The following RIPOR2 variants were observed in gnomAD, a reference collection of about 807,000 sequenced individuals.
RIPOR2 encodes the protein rho family-interacting cell polarization regulator 2.
RIPOR2 carries 39 observed loss-of-function variants against 114.5 expected under a neutral mutation model. The observed-to-expected ratio is 0.34, with a 90% confidence interval of 0.26 to 0.44. The LOEUF (loss-of-function observed/expected upper bound fraction) is 0.44, where lower values mean the gene tolerates loss of function less well. Among genes scored for constraint, RIPOR2 ranks in the 20% least tolerant of loss-of-function variants. RIPOR2 has a pLI of 1.00. For missense variants in RIPOR2, 1,007 were observed against 1,255.1 expected, an observed-to-expected ratio of 0.80 and a Z score of 2.99; for synonymous variants, 445 against 484.4, an observed-to-expected ratio of 0.92 and a Z score of 1.07.
chr6:24,870,353 C>T (rs1349838024), intron 5 of RIPOR2, among the ~76,000 whole-genome samples: 1 of 152,146 alleles, frequency 6.6e-6, no homozygotes, highest in African/African-American at 2.4e-5. Flanking sequence ...TGGAAGTGAC[C>T]TTAAACACTT....
Position 25,030,663 on chromosome 6 carries a change from A to T in RIPOR2, c.76+11188T>A, listed in dbSNP as rs148067910. On this transcript the variant is annotated intron_variant, in intron 1 of 13. Coordinates refer to the RIPOR2 transcript ENST00000510784. ...TTATGAGATATTCTGGCTTTTTTTT[A>T]AAAGGCATAGGGTCTTGCTGTTTTT... Among the ~76,000 whole-genome samples, 47 of 152,196 alleles carry T rather than the reference A, an allele frequency of 3.1e-4. 2 individuals carry two copies. In the East Asian group the frequency reaches 8.7e-3, roughly 28 times the overall value.
At chr6:25,012,575 A>G (rs1323394025) in intron 1 of RIPOR2, among the ~76,000 whole-genome samples, 1 of 152,254 alleles carries the variant, frequency 6.6e-6, no homozygotes, top group African/African-American at 2.4e-5. Flanking sequence ...GCATGCTACA[A>G]AATAAATTAG....
chr6:24,992,527 T>G (rs866223577), intron 1 of RIPOR2, among the ~76,000 whole-genome samples: 2 of 151,986 alleles, frequency 1.3e-5, no homozygotes, highest in Admixed American at 6.6e-5. Flanking sequence ...AGGTGAAAGA[T>G]CTCTACAATG....
intron 1 of RIPOR2, among the ~76,000 whole-genome samples, chr6:24,925,248 A>G (rs986870632): frequency 6.6e-6 from 1 of 152,206 alleles, no homozygotes; most frequent in Non-Finnish European, 1.5e-5. Context: ...AGGCATAAAC[A>G]CCTATCTTTC....
intron 1 of RIPOR2, among the ~76,000 whole-genome samples, chr6:24,903,314 C>A (rs1271858281): frequency 2.0e-5 from 3 of 152,140 alleles, no homozygotes; most frequent in African/African-American, 7.2e-5. Flanking sequence ...AAATCACATT[C>A]TCTATTGATT....
chr6:24,847,969 G>T (rs1484938811), intron 12 of RIPOR2, 56 bp downstream of exon 12: 2 of 1,607,010 alleles, frequency 1.2e-6, no homozygotes, highest in East Asian at 2.2e-5. Flanking sequence ...CAAATGCTGG[G>T]TGCAAGCACT....
chr6:24,968,527 A>T (rs1367960241), intron 1 of RIPOR2, among the ~76,000 whole-genome samples: 3 of 152,150 alleles, frequency 2.0e-5, no homozygotes, highest in Non-Finnish European at 4.4e-5. Context: ...AGCTGGGACA[A>T]CCTTGCTCCC....
Position 24,979,142 on chromosome 6 carries a change from A to ACTTT in RIPOR2, c.76+62705_76+62708dup, listed in dbSNP as rs553663889. Reference sequence around the variant, plus strand: ...GAGATAATGAGAAACAATGGGCTTAACTTTCCTCTCTCAGCTGTCGTGCAT... The same window carrying ACTTT: ...GAGATAATGAGAAACAATGGGCTTAACTTTCTTTCCTCTCTCAGCTGTCGTGCAT... On this transcript the variant is annotated intron_variant, in intron 1 of 13. Coordinates refer to the RIPOR2 transcript ENST00000510784. Among the ~76,000 whole-genome samples the ACTTT allele has an allele frequency of 3.3e-3, 504 of 152,270 alleles. 3 individuals are homozygous for ACTTT. Among genetic ancestry groups the ACTTT allele is most frequent in the Non-Finnish European group, 4.6e-3 (310 of 68,012 alleles).
chr6:25,041,757 T>G, intron 1 of RIPOR2: 1 of 636,730 alleles, frequency 1.6e-6, no homozygotes, highest in Admixed American at 2.5e-5. Flanking sequence ...GGGGAAAGAT[T>G]GGAGAAGATT....
chr6:24,965,284 C>T (rs1021633535), intron 1 of RIPOR2, among the ~76,000 whole-genome samples: 2 of 151,978 alleles, frequency 1.3e-5, no homozygotes, highest in African/African-American at 4.8e-5. Flanking sequence ...ACTACAGGTG[C>T]ACACTACTAC....
chr6:24,897,576 G>A (rs191543949), intron 1 of RIPOR2, among the ~76,000 whole-genome samples: 20 of 152,262 alleles, frequency 1.3e-4, no homozygotes, highest in African/African-American at 4.8e-4. Flanking sequence ...CAGAGTCAAG[G>A]AAAATTGTTT....
At chr6:24,934,153 C>T (rs990570174) in intron 1 of RIPOR2, among the ~76,000 whole-genome samples, 1 of 152,132 alleles carries the variant, frequency 6.6e-6, no homozygotes, top group African/African-American at 2.4e-5. Flanking sequence ...TGAATGATTG[C>T]CAATTTTTCC....
intron 18 of RIPOR2, among the ~76,000 whole-genome samples, chr6:24,827,284 C>T (rs956578704): frequency 3.9e-5 from 6 of 152,154 alleles, no homozygotes; most frequent in Non-Finnish European, 8.8e-5. Flanking sequence ...TGGTACAGTG[C>T]TGGGTGAAGG....
In RIPOR2 at chr6:24,843,357, A is replaced by T. The variant is rs371396396; in HGVS notation, c.1362T>A (p.Asn454Lys). Residue 454 changes from asparagine to lysine, a missense_variant, in exon 13 of 22, where the codon AAT (asparagine) becomes AAA (lysine). Asn to Lys is a moderately conservative substitution (Grantham distance 94). Coordinates refer to ENST00000643898, the MANE Select transcript of RIPOR2 (RefSeq NM_001286445.3). ...CTGAGCTGGTGTCATCCATACCCTCATTCTGGGAGGCCAAGCTGCTGAGGT... is the reference window on the plus strand; with the variant it reads ...CTGAGCTGGTGTCATCCATACCCTCTTTCTGGGAGGCCAAGCTGCTGAGGT... ...EFNLSSLASQ[N>K]EGMDDTSSAS... 6.2e-7 allele frequency: 1 copy of T among 1,613,670 alleles called. No homozygotes were observed. Among genetic ancestry groups the T allele is most frequent in the African/African-American group, 1.3e-5 (1 of 74,836 alleles).
chr6:24,995,840 C>T (rs1235603369), intron 1 of RIPOR2, among the ~76,000 whole-genome samples: 2 of 141,768 alleles, frequency 1.4e-5, no homozygotes, highest in Admixed American at 7.4e-5. Flanking sequence ...CTCGCTCTGT[C>T]GCCCCAGGCT....
chr6:24,970,160 C>T (rs1404209654), intron 1 of RIPOR2, among the ~76,000 whole-genome samples: 3 of 22,902 alleles, frequency 1.3e-4, no homozygotes, highest in South Asian at 3.6e-3. Flanking sequence ...AGAAAGGGGA[C>T]GAAAAAAAAA....
chr6:24,910,075 T>C (rs573764541), intron 1 of RIPOR2, among the ~76,000 whole-genome samples: 36 of 152,264 alleles, frequency 2.4e-4, no homozygotes, highest in Non-Finnish European at 2.5e-4. Flanking sequence ...AGCTAGAAGG[T>C]TATCGTCTCG....
intron 1 of RIPOR2, among the ~76,000 whole-genome samples, chr6:24,942,997 G>A (rs1772218522): frequency 6.6e-6 from 1 of 152,138 alleles, no homozygotes; most frequent in Non-Finnish European, 1.5e-5. Flanking sequence ...CCATGCCTAT[G>A]TCCTGAATGA....
At chr6:24,935,641 ACC>A (rs1388562218) in intron 1 of RIPOR2, among the ~76,000 whole-genome samples, 195 bp downstream of exon 1, 3 of 152,118 alleles carry the variant, frequency 2.0e-5, no homozygotes, top group Non-Finnish European at 4.4e-5. Flanking sequence ...GAATGACTCA[ACC>A]CCTTGTTCCA....
Sources: gnomAD v4.1 joint callset for allele counts (sites outside exome capture counted in the v4.1 genomes callset) on GRCh38, gnomAD v4.1.1 for gene constraint, MANE v1.5 for transcripts, NCBI Gene and HGNC (gene_info 2026-07-23, HGNC 2026-07-21) for gene names.